The following TEKT5 variants were observed in gnomAD, a reference collection of about 807,000 sequenced individuals.
TEKT5 encodes tektin-5.
In TEKT5, 52 loss-of-function variants were observed where a neutral mutation model predicts 48.7. The observed-to-expected ratio is 1.07, with a 90% CI of 0.86 to 1.35. The LOEUF is 1.35. TEKT5 is among the 40% of genes most tolerant of loss of function. The pLI is 0.00. For missense variants in TEKT5, 831 were observed against 641.6 expected (o/e 1.30, Z -3.19); for synonymous variants, 318 against 267.6 (o/e 1.19, Z -1.84).
chr16:10,680,760 C>G (rs1003928399), intron 4 of TEKT5, among the ~76,000 whole-genome samples: 21 of 145,918 alleles, frequency 1.4e-4, no homozygotes, highest in Non-Finnish European at 3.0e-4. Flanking sequence ...ATCACAAGAA[C>G]AAAAAACCAA....
intron 5 of TEKT5, among the ~76,000 whole-genome samples, chr16:10,659,102 C>T (rs1898315792): frequency 6.6e-6 from 1 of 152,294 alleles, no homozygotes; most frequent in South Asian, 2.1e-4. Flanking sequence ...CCACTAAATG[C>T]CAGTAGCATC....
intron 5 of TEKT5, among the ~76,000 whole-genome samples, chr16:10,658,917 C>T (rs1898311968): frequency 6.6e-6 from 1 of 152,044 alleles, no homozygotes; most frequent in African/African-American, 2.4e-5. Flanking sequence ...GGGGTTTCAC[C>T]ATGTTGGTCA....
At chr16:10,627,939 T>G in intron 6 of TEKT5, 140 bp from the exon 7 acceptor site, 2 of 639,822 alleles carry the variant, frequency 3.1e-6, no homozygotes, top group Non-Finnish European at 5.2e-6. Flanking sequence ...GCCTCCCGGG[T>G]TCAAGTAATT....
intron 6 of TEKT5, among the ~76,000 whole-genome samples, chr16:10,631,695 G>C (rs185772011): frequency 3.9e-4 from 59 of 152,258 alleles, no homozygotes; most frequent in African/African-American, 1.4e-3. Context: ...TTGAGACATG[G>C]AGACATGCAG....
chr16:10,683,221 G>T (rs150145408), intron 3 of TEKT5, among the ~76,000 whole-genome samples: 230 of 105,290 alleles, frequency 2.2e-3, no homozygotes, highest in African/African-American at 6.6e-3. Context: ...AACATCACAC[G>T]TGCCAACACA....
At chr16:10,679,749 T>G (rs1053646230) in intron 4 of TEKT5, among the ~76,000 whole-genome samples, 7 of 151,866 alleles carry the variant, frequency 4.6e-5, no homozygotes, top group African/African-American at 2.4e-5. Flanking sequence ...ACAAAAAATT[T>G]AGCTGGGCGT....
chr16:10,633,079 G>T (rs536282624), intron 6 of TEKT5, among the ~76,000 whole-genome samples: 347 of 152,324 alleles, frequency 2.3e-3, no homozygotes, highest in African/African-American at 7.7e-3. Context: ...TCCCCTGGCG[G>T]GGCCGCCACT....
chr16:10,633,368 C>T (rs982134036), intron 6 of TEKT5, among the ~76,000 whole-genome samples: 3 of 151,776 alleles, frequency 2.0e-5, no homozygotes, highest in Non-Finnish European at 2.9e-5. Context: ...TAAAAAAAAA[C>T]TCTCGTTGGG....
Position 10,633,435 on chromosome 16 carries a change from G to A in TEKT5, c.1241+2329C>T, listed in dbSNP as rs567404190. ...CAGGAGGTACTGGGGTTCAGCCTGAGCATCGAAGAAGCAGGGGCAGAGGGA... is the reference window on the plus strand; with the variant it reads ...CAGGAGGTACTGGGGTTCAGCCTGAACATCGAAGAAGCAGGGGCAGAGGGA... On this transcript the variant is annotated intron_variant, in intron 6 of 6. Transcript: ENST00000283025. Among the ~76,000 whole-genome samples the A allele has an allele frequency of 3.3e-5, 5 of 152,252 alleles. No individual in the cohort carries two copies. In the South Asian group the frequency reaches 1.0e-3, roughly 32 times the overall value.
intron 1 of TEKT5, 49 bp downstream of exon 1, chr16:10,694,261 C>T (rs764127965): frequency 3.3e-6 from 5 of 1,499,810 alleles, no homozygotes; most frequent in South Asian, 2.7e-5. Flanking sequence ...AATGAGCGTG[C>T]AGTATCCCCA....
intron 5 of TEKT5, among the ~76,000 whole-genome samples, chr16:10,650,060 T>G (rs1898129214): frequency 6.6e-6 from 1 of 151,808 alleles, no homozygotes; most frequent in Non-Finnish European, 1.5e-5. Flanking sequence ...CATTTCTTTT[T>G]TTATTTTTAT....
chr16:10,691,158 C>T (rs1259558685), intron 1 of TEKT5: 2 of 125,600 alleles, frequency 1.6e-5, no homozygotes, highest in East Asian at 2.7e-4. Flanking sequence ...AGTGAGACCC[C>T]ATCTCTACAA....
intron 6 of TEKT5, 99 bp downstream of exon 6, chr16:10,635,665 T>G: frequency 6.6e-7 from 1 of 1,513,464 alleles, no homozygotes; most frequent in Non-Finnish European, 8.9e-7. Flanking sequence ...GGAGGGTCCA[T>G]TTTTCAGACC....
intron 4 of TEKT5, among the ~76,000 whole-genome samples, 173 bp from the exon 5 acceptor site, chr16:10,676,354 C>T (rs572274039): frequency 6.6e-6 from 1 of 152,318 alleles, no homozygotes; most frequent in African/African-American, 2.4e-5. Context: ...ATGCCAGTAG[C>T]TCCCCAACCA....
At chr16:10,669,455 T>C (rs527292699) in intron 5 of TEKT5, among the ~76,000 whole-genome samples, 2 of 151,824 alleles carry the variant, frequency 1.3e-5, no homozygotes, top group Non-Finnish European at 2.9e-5. Context: ...AGAGACCCTG[T>C]CTCCAAAAAA....
rs572494816 is a variant in TEKT5, at chr16:10,657,501, C to G, written c.1086+18458G>C. ...AGACAGTAGAGAAATAGGAGTGAAT[C>G]CAGTGCTATAACCAATGACTTCCAA... is the stretch of plus-strand genomic sequence containing the variant. On this transcript the variant is annotated intron_variant, in intron 5 of 6. Coordinates refer to ENST00000283025, the MANE Select transcript of TEKT5 (RefSeq NM_144674.2). 3.3e-5 allele frequency among the ~76,000 whole-genome samples: 5 copies of G among 152,134 alleles called. No individual in the cohort carries two copies. The East Asian group carries it at 5.8e-4, about 18-fold the overall frequency.
chr16:10,635,325 G>C (rs1897897876), intron 6 of TEKT5, among the ~76,000 whole-genome samples: 1 of 151,960 alleles, frequency 6.6e-6, no homozygotes, highest in Admixed American at 6.6e-5. Flanking sequence ...GGCTCTTCCA[G>C]GGCTTCATGG....
intron 5 of TEKT5, among the ~76,000 whole-genome samples, chr16:10,659,135 A>G (rs1463151341): frequency 1.3e-5 from 2 of 152,192 alleles, no homozygotes; most frequent in Non-Finnish European, 2.9e-5. Context: ...TGTGACAACC[A>G]CATTGCGAAA....
intron 5 of TEKT5, among the ~76,000 whole-genome samples, chr16:10,642,535 G>A (rs1237783668): frequency 6.6e-6 from 1 of 151,830 alleles, no homozygotes. Context: ...AGCCACCCCA[G>A]TGCTCCCCCT....
Sources: gnomAD v4.1 joint callset for allele counts (sites outside exome capture counted in the v4.1 genomes callset) on GRCh38, gnomAD v4.1.1 for gene constraint, MANE v1.5 for transcripts, NCBI Gene and HGNC (gene_info 2026-07-23, HGNC 2026-07-21) for gene names.